GABRB1: variants seen among roughly 807,000 people sequenced by gnomAD.
GABRB1 encodes the protein gamma-aminobutyric acid receptor subunit beta-1.
Under a neutral mutation model 51.6 loss-of-function variants are expected in GABRB1, and 17 were observed. That is an observed-to-expected ratio of 0.33 (90% confidence interval 0.23 to 0.49). The LOEUF is 0.49. Among genes scored for constraint, GABRB1 ranks in the 20% least tolerant of loss-of-function variants. The probability of loss-of-function intolerance (pLI) is 0.99; values close to 1 mark genes in which losing one functional copy is unlikely to be tolerated. For missense variants in GABRB1, 410 were observed against 600.6 expected (o/e 0.68, Z 3.32); for synonymous variants, 247 against 218.9 (o/e 1.13, Z -1.14).
At chr4:47,098,247 T>A (rs1352695274) in intron 3 of GABRB1, among the ~76,000 whole-genome samples, 1 of 151,890 alleles carries the variant, frequency 6.6e-6, no homozygotes, top group African/African-American at 2.4e-5. Flanking sequence ...TCAACTTCAT[T>A]AAAATTTTCC....
intron 4 of GABRB1, among the ~76,000 whole-genome samples, chr4:47,306,937 C>T (rs1417412039): frequency 4.6e-5 from 7 of 152,128 alleles, no homozygotes; most frequent in Admixed American, 3.9e-4. Context: ...AGGAACATCT[C>T]TACTTACGTT....
At chr4:47,104,457 A>G (rs1443829805) in intron 3 of GABRB1, among the ~76,000 whole-genome samples, 1 of 151,854 alleles carries the variant, frequency 6.6e-6, no homozygotes, top group Non-Finnish European at 1.5e-5. Flanking sequence ...TTAATTTTGG[A>G]AAATTCTCAT....
At chr4:47,424,571 C>T (rs1050644271) in intron 8 of GABRB1, among the ~76,000 whole-genome samples, 16 of 152,222 alleles carry the variant, frequency 1.1e-4, no homozygotes, top group African/African-American at 3.6e-4. Context: ...CTTATCTATA[C>T]CTAGTGTGTT....
chr4:47,196,854 A>T (rs1040773926), intron 4 of GABRB1, among the ~76,000 whole-genome samples: 8 of 152,234 alleles, frequency 5.3e-5, no homozygotes, highest in Admixed American at 5.2e-4. Context: ...CACATTTTAC[A>T]TTGAGCACTC....
intron 4 of GABRB1, among the ~76,000 whole-genome samples, chr4:47,316,882 G>A (rs1348108457): frequency 6.6e-6 from 1 of 151,868 alleles, no homozygotes; most frequent in South Asian, 2.1e-4. Flanking sequence ...AAATAAATTG[G>A]TAATGACAGA....
At chr4:47,170,380 T>TACACACAC in intron 4 of GABRB1, among the ~76,000 whole-genome samples, 1 of 149,016 alleles carries the variant, frequency 6.7e-6, no homozygotes, top group East Asian at 2.0e-4. Context: ...ACAGATCCAC[T>TACACACAC]ACACACACAC....
chr4:47,159,132 A>C (rs1401642425), intron 3 of GABRB1, among the ~76,000 whole-genome samples: 1 of 151,348 alleles, frequency 6.6e-6, no homozygotes, highest in African/African-American at 2.4e-5. Flanking sequence ...AAGAAAAAAA[A>C]AATAGCCAGG....
chr4:47,131,751 C>T (rs559210480), intron 3 of GABRB1, among the ~76,000 whole-genome samples: 1 of 152,064 alleles, frequency 6.6e-6, no homozygotes, highest in Non-Finnish European at 1.5e-5. Context: ...ATTCTGCTAC[C>T]AATTCTGCAT....
At chr4:47,368,509 C>T (rs1452917195) in intron 5 of GABRB1, among the ~76,000 whole-genome samples, 33 of 152,070 alleles carry the variant, frequency 2.2e-4, no homozygotes, top group Non-Finnish European at 1.5e-5. Flanking sequence ...CAGGATAGCT[C>T]CTCAGGGCAA....
chr4:47,045,388 C>A (rs1726036092), intron 3 of GABRB1, among the ~76,000 whole-genome samples: 1 of 151,942 alleles, frequency 6.6e-6, no homozygotes, highest in Non-Finnish European at 1.5e-5. Context: ...TTCCCTGACC[C>A]TGAGTAGGTA....
At position 47,350,286 on chromosome 4, in the gene GABRB1, T is replaced by TATAG. The variant is rs1553877291; in HGVS notation, c.544+30078_544+30079insTAGA. On this transcript the variant is annotated intron_variant, in intron 5 of 8. Coordinates refer to ENST00000295454, the MANE Select transcript of GABRB1 (RefSeq NM_000812.4). ...TAATGTGTGTATATATATATATATA[T>TATAG]AGAGAGAGAGAGAGAGCTGGCTTTT... 9.5e-4 allele frequency among the ~76,000 whole-genome samples: 133 copies of TATAG among 139,942 alleles called. 2 individuals are homozygous for TATAG. Among genetic ancestry groups the TATAG allele is most frequent in the African/African-American group, 3.3e-3 (123 of 37,390 alleles). 91.8% of individuals were successfully genotyped at this position (139,942 alleles called of 152,430 possible). A position where few individuals can be genotyped will look rare whatever the true frequency, so the allele number is the denominator to read the frequency against.
chr4:47,317,237 G>A (rs535576684), intron 4 of GABRB1, among the ~76,000 whole-genome samples: 35 of 151,866 alleles, frequency 2.3e-4, no homozygotes, highest in Non-Finnish European at 4.3e-4. Context: ...CCCCAGTGAG[G>A]CAAAATCATC....
At chr4:47,237,221 T>TG (rs1170962413) in intron 4 of GABRB1, among the ~76,000 whole-genome samples, 3 of 152,056 alleles carry the variant, frequency 2.0e-5, no homozygotes, top group Non-Finnish European at 4.4e-5. Flanking sequence ...ATCTAGTTTT[T>TG]GAAACAAATA....
chr4:47,254,106 T>C (rs953566375), intron 4 of GABRB1, among the ~76,000 whole-genome samples: 1 of 152,170 alleles, frequency 6.6e-6, no homozygotes, highest in Non-Finnish European at 1.5e-5. Context: ...TTTGGAAATG[T>C]GATAGTTCAC....
At chr4:47,318,628 G>C (rs1578090574) in intron 4 of GABRB1, among the ~76,000 whole-genome samples, 1 of 151,994 alleles carries the variant, frequency 6.6e-6, no homozygotes, top group Non-Finnish European at 1.5e-5. Flanking sequence ...ACTCCCAGTT[G>C]AGCTTTTGTG....
chr4:47,011,334 T>C (rs1467414778), intron 1 of GABRB1, among the ~76,000 whole-genome samples: 1 of 152,006 alleles, frequency 6.6e-6, no homozygotes, highest in Non-Finnish European at 1.5e-5. Flanking sequence ...CTGCAGTAGG[T>C]ATTAAACCCA....
intron 4 of GABRB1, among the ~76,000 whole-genome samples, chr4:47,220,973 T>C (rs1460687920): frequency 6.6e-6 from 1 of 152,026 alleles, no homozygotes; most frequent in Non-Finnish European, 1.5e-5. Context: ...TTAAGTGCTC[T>C]GTAAATGCCA....
intron 5 of GABRB1, among the ~76,000 whole-genome samples, chr4:47,390,569 T>C (rs983665860): frequency 6.6e-6 from 1 of 152,236 alleles, no homozygotes; most frequent in African/African-American, 2.4e-5. Flanking sequence ...ATTTTATCTG[T>C]ACTTTCTTCA....
At chr4:47,038,400 T>C (rs946961700) in intron 3 of GABRB1, among the ~76,000 whole-genome samples, 2 of 152,226 alleles carry the variant, frequency 1.3e-5, no homozygotes, top group African/African-American at 4.8e-5. Flanking sequence ...CTGGTTTATA[T>C]TGTATTGAAC....
Sources: gnomAD v4.1 joint callset for allele counts (sites outside exome capture counted in the v4.1 genomes callset) on GRCh38, gnomAD v4.1.1 for gene constraint, MANE v1.5 for transcripts, NCBI Gene and HGNC (gene_info 2026-07-23, HGNC 2026-07-21) for gene names.